The following CALN1 variants were observed in gnomAD, a reference collection of about 807,000 sequenced individuals.
CALN1 encodes the protein calneuron 1, also known as calcium-binding protein 8.
CALN1 carries 17 observed loss-of-function variants against 30.6 expected under a neutral mutation model. The observed-to-expected ratio is 0.56, with a 90% CI of 0.38 to 0.83. The LOEUF (loss-of-function observed/expected upper bound fraction) is 0.83. Ranked by LOEUF, CALN1 falls within the 40% of genes least tolerant of loss-of-function variation. The pLI is 0.00. For missense variants in CALN1, 291 were observed against 354.9 expected, an observed-to-expected ratio of 0.82 and a Z score of 1.45; for synonymous variants, 156 against 131.4, an observed-to-expected ratio of 1.19 and a Z score of -1.28.
At chr7:72,342,653 T>C (rs1802436044) in intron 2 of CALN1, among the ~76,000 whole-genome samples, 1 of 152,168 alleles carries the variant, frequency 6.6e-6, no homozygotes, top group African/African-American at 2.4e-5. Flanking sequence ...CACCTGCCTC[T>C]AGCTTTGGGA....
At chr7:72,280,374 A>T (rs1797655491) in intron 2 of CALN1, among the ~76,000 whole-genome samples, 1 of 152,156 alleles carries the variant, frequency 6.6e-6, no homozygotes, top group Admixed American at 6.5e-5. Context: ...CCACAGAACA[A>T]TTGCAAATGG....
chr7:72,188,216 C>A (rs1206042082), intron 3 of CALN1, among the ~76,000 whole-genome samples: 2 of 152,124 alleles, frequency 1.3e-5, no homozygotes, highest in East Asian at 3.8e-4. Context: ...AAATGTGGAA[C>A]CAGCCCAAAT....
chr7:72,365,789 A>T (rs1212968331), intron 2 of CALN1, among the ~76,000 whole-genome samples: 1 of 152,194 alleles, frequency 6.6e-6, no homozygotes, highest in Non-Finnish European at 1.5e-5. Flanking sequence ...AAAGATGTGA[A>T]ATTATTCTAC....
At chr7:72,487,381 G>A in the CALN1 span, among the ~76,000 whole-genome samples, 1 of 151,944 alleles carries the variant, frequency 6.6e-6, no homozygotes, top group East Asian at 1.9e-4. Flanking sequence ...CTCCCCAGCT[G>A]GGGAATGAGA....
chr7:72,162,587 A>AC (rs1018807083), intron 3 of CALN1, among the ~76,000 whole-genome samples: 5 of 152,046 alleles, frequency 3.3e-5, no homozygotes, highest in Admixed American at 2.0e-4. Context: ...TACAAAAAAA[A>AC]AATTAGCCAG....
At chr7:72,348,029 G>A (rs927009983) in intron 2 of CALN1, among the ~76,000 whole-genome samples, 1 of 152,142 alleles carries the variant, frequency 6.6e-6, no homozygotes. Flanking sequence ...TACTTGGGAG[G>A]CTGAGGCAAG....
chr7:72,065,805 A>C (rs1263173501), intron 4 of CALN1, among the ~76,000 whole-genome samples: 1 of 152,178 alleles, frequency 6.6e-6, no homozygotes, highest in Non-Finnish European at 1.5e-5. Flanking sequence ...AGGCAGGAGA[A>C]TCACTTGAAC....
chr7:72,384,998 T>C (rs1290599179), intron 2 of CALN1, among the ~76,000 whole-genome samples: 4 of 151,980 alleles, frequency 2.6e-5, no homozygotes, highest in Non-Finnish European at 5.9e-5. Context: ...GTCAAAAAAT[T>C]TGAACATACT....
At chr7:71,980,931 AGGCCACAG>A (rs74547128) in intron 5 of CALN1, among the ~76,000 whole-genome samples, 197 of 152,146 alleles carry the variant, frequency 1.3e-3, no homozygotes, top group Non-Finnish European at 2.3e-3. Context: ...TCAGGAAAAG[AGGCCACAG>A]GGTTCTTTCC....
In CALN1 at chr7:72,334,310, G is replaced by C. The variant is rs758558485; in HGVS notation, c.120-55500C>G. 5.9e-4 allele frequency among the ~76,000 whole-genome samples: 90 copies of C among 152,130 alleles called. 1 individual carries two copies. Among genetic ancestry groups the C allele is most frequent in the Non-Finnish European group, 1.0e-3 (68 of 68,020 alleles). On this transcript the variant is annotated intron_variant, in intron 2 of 6. Coordinates refer to ENST00000395275, the MANE Select transcript of CALN1 (RefSeq NM_031468.4). ...TGGTCAATACAAGAATGTGGTAAAAGACACCACTGCACACACCACAACAGA... is the reference window on the plus strand; with the variant it reads ...TGGTCAATACAAGAATGTGGTAAAACACACCACTGCACACACCACAACAGA...
chr7:72,092,469 C>G (rs1249833399), intron 4 of CALN1, among the ~76,000 whole-genome samples: 1 of 151,888 alleles, frequency 6.6e-6, no homozygotes, highest in Non-Finnish European at 1.5e-5. Context: ...TACACACATT[C>G]CGTGTCATTC....
chr7:72,180,692 C>G (rs1433975259), intron 3 of CALN1, among the ~76,000 whole-genome samples: 1 of 145,846 alleles, frequency 6.9e-6, no homozygotes, highest in African/African-American at 2.5e-5. Context: ...ACTGCAATAT[C>G]AAACTCCCAG....
intron 1 of CALN1, among the ~76,000 whole-genome samples, chr7:72,437,378 C>T (rs1808193904): frequency 6.6e-6 from 1 of 152,158 alleles, no homozygotes; most frequent in Non-Finnish European, 1.5e-5. Flanking sequence ...AGATTACAGA[C>T]AGTGCCCCTT....
rs1315053600 is a variant in CALN1, at chr7:71,821,733, T to C, written c.502-11241A>G. On this transcript the variant is annotated intron_variant, in intron 5 of 6. Coordinates refer to ENST00000395275, the MANE Select transcript of CALN1 (RefSeq NM_031468.4). Reference sequence around the variant, plus strand: ...TCTTTTGGAAAAAAATCTATTTTTGTATCAGTACAGCTATGCTTAATTCCT... The same window carrying C: ...TCTTTTGGAAAAAAATCTATTTTTGCATCAGTACAGCTATGCTTAATTCCT... Among the ~76,000 whole-genome samples, 3 of 152,296 alleles carry C rather than the reference T, an allele frequency of 2.0e-5. No homozygotes were observed. In the East Asian group the frequency reaches 5.8e-4, roughly 29 times the overall value.
chr7:72,393,836 A>G (rs1421608368), intron 2 of CALN1, among the ~76,000 whole-genome samples: 1 of 146,884 alleles, frequency 6.8e-6, no homozygotes, highest in Non-Finnish European at 1.5e-5. Context: ...TGCAATCTCC[A>G]CTTCCCAGGC....
chr7:71,920,889 T>A (rs1189730307), intron 5 of CALN1, among the ~76,000 whole-genome samples: 8 of 152,144 alleles, frequency 5.3e-5, no homozygotes. Context: ...CATTCTACAA[T>A]AAATACACAT....
intron 3 of CALN1, among the ~76,000 whole-genome samples, chr7:72,239,422 T>C (rs567274149): frequency 5.5e-4 from 84 of 152,078 alleles, no homozygotes; most frequent in African/African-American, 1.7e-3. Flanking sequence ...AATAAATAAA[T>C]AAACCAAAGA....
At chr7:72,455,649 G>C in the CALN1 span, among the ~76,000 whole-genome samples, 1 of 152,078 alleles carries the variant, frequency 6.6e-6, no homozygotes, top group African/African-American at 2.4e-5. Flanking sequence ...GGACATGGAG[G>C]AGGCTCCTGA....
intron 2 of CALN1, among the ~76,000 whole-genome samples, chr7:72,285,743 C>T (rs900708229): frequency 2.0e-5 from 3 of 152,082 alleles, no homozygotes; most frequent in African/African-American, 7.2e-5. Flanking sequence ...GAAACTTTTT[C>T]AAAGAGCTTA....
Sources: gnomAD v4.1 joint callset for allele counts (sites outside exome capture counted in the v4.1 genomes callset) on GRCh38, gnomAD v4.1.1 for gene constraint, MANE v1.5 for transcripts, NCBI Gene and HGNC (gene_info 2026-07-23, HGNC 2026-07-21) for gene names.